ARHGAP19: variants seen among roughly 807,000 people sequenced by gnomAD.
ARHGAP19 encodes Rho GTPase activating protein 19, also known as rho GTPase-activating protein 19.
A neutral mutation model predicts 60.9 loss-of-function variants in ARHGAP19; 48 were observed. That is an observed-to-expected ratio of 0.79 (90% CI 0.62 to 1.00). The LOEUF (loss-of-function observed/expected upper bound fraction) is 1.00, where lower values mean the gene tolerates loss of function less well. Ranked by LOEUF, ARHGAP19 falls within the 50% of genes least tolerant of loss-of-function variation. The pLI, the probability that ARHGAP19 is intolerant of heterozygous loss-of-function variation, is 0.00. For missense variants in ARHGAP19, 562 were observed against 597.2 expected (o/e 0.94, Z 0.61); for synonymous variants, 209 against 215.5 (o/e 0.97, Z 0.27).
At chr10:97,236,220 G>A (rs2134821090) in intron 8 of ARHGAP19, among the ~76,000 whole-genome samples, 1 of 151,808 alleles carries the variant, frequency 6.6e-6, no homozygotes, top group East Asian at 1.9e-4. Context: ...CAAGTGATCC[G>A]CCCACCTCGG....
At chr10:97,240,148 A>G (rs1412970207) in intron 8 of ARHGAP19, among the ~76,000 whole-genome samples, 1 of 151,980 alleles carries the variant, frequency 6.6e-6, no homozygotes, top group Non-Finnish European at 1.5e-5. Context: ...GAAGAAAGGG[A>G]GAAAAAGAGG....
At chr10:97,274,606 A>G (rs1843001275) in intron 1 of ARHGAP19, among the ~76,000 whole-genome samples, 1 of 152,232 alleles carries the variant, frequency 6.6e-6, no homozygotes, top group African/African-American at 2.4e-5. Flanking sequence ...AATACTGATT[A>G]TATTATTTTA....
intron 6 of ARHGAP19, among the ~76,000 whole-genome samples, chr10:97,247,320 G>GA (rs1446544969): frequency 2.2e-4 from 33 of 151,910 alleles, no homozygotes; most frequent in Admixed American, 6.6e-5. Flanking sequence ...AAAAAAGAAA[G>GA]AAAGAAATAC....
At chr10:97,274,191 C>T (rs533392041) in intron 1 of ARHGAP19, among the ~76,000 whole-genome samples, 27 of 152,144 alleles carry the variant, frequency 1.8e-4, no homozygotes, top group Non-Finnish European at 3.1e-4. Context: ...TGAGGCCGGG[C>T]GCGGTGGCTC....
At chr10:97,230,924 G>C (rs751864259) in intron 9 of ARHGAP19, among the ~76,000 whole-genome samples, 2 of 152,002 alleles carry the variant, frequency 1.3e-5, no homozygotes, top group African/African-American at 4.8e-5. Context: ...GGGCGTGGTG[G>C]TGCATGCCTG....
chr10:97,231,614 G>A (rs143274942), intron 9 of ARHGAP19, among the ~76,000 whole-genome samples: 2 of 152,046 alleles, frequency 1.3e-5, no homozygotes, highest in Admixed American at 6.5e-5. Context: ...CAAGATTCAC[G>A]CATGTTGTAG....
chr10:97,246,410 A>C, intron 6 of ARHGAP19, 73 bp from the exon 7 acceptor site: 1 of 1,198,492 alleles, frequency 8.3e-7, no homozygotes. Context: ...CCGCAAGGAC[A>C]GTGGTTCTCA....
At chr10:97,244,637 G>A (rs78416692) in intron 7 of ARHGAP19, among the ~76,000 whole-genome samples, 98 of 152,204 alleles carry the variant, frequency 6.4e-4, no homozygotes, top group Non-Finnish European at 1.2e-3. Flanking sequence ...AACTTAATAC[G>A]ACAACTAGAC....
chr10:97,231,983 T>G (rs999537933), intron 9 of ARHGAP19, among the ~76,000 whole-genome samples: 31 of 149,960 alleles, frequency 2.1e-4, no homozygotes, highest in Middle Eastern at 6.8e-3. Context: ...TCCGTTGTTT[T>G]TTTTTTTTTT....
At chr10:97,268,166 G>T (rs1564725383) in intron 1 of ARHGAP19, among the ~76,000 whole-genome samples, 1 of 152,214 alleles carries the variant, frequency 6.6e-6, no homozygotes. Context: ...CTCTAGGGCA[G>T]GGGCAAAATG....
chr10:97,251,258 G>T (rs117365464), intron 6 of ARHGAP19, among the ~76,000 whole-genome samples: 1 of 28,168 alleles, frequency 3.6e-5, no homozygotes, highest in Non-Finnish European at 8.4e-5. Context: ...GGGGAGGGAA[G>T]GGGAAGGGAA....
At chr10:97,249,012 T>C (rs1842603638) in intron 6 of ARHGAP19, among the ~76,000 whole-genome samples, 1 of 152,060 alleles carries the variant, frequency 6.6e-6, no homozygotes, top group Admixed American at 6.6e-5. Context: ...GAGATGGGGT[T>C]TTGCCACATT....
Position 97,292,582 on chromosome 10 carries a change from A to C in ARHGAP19, c.46T>G (p.Ser16Ala). 2 of 1,614,116 alleles carry C rather than the reference A, an allele frequency of 1.2e-6. No individual in the cohort carries two copies. Among genetic ancestry groups the C allele is most frequent in the Non-Finnish European group, 1.7e-6 (2 of 1,180,024 alleles). ...QSEGEVPARE[S>A]GRSDAICSFV... The stretch of plus-strand genomic sequence containing the variant: ...CCAAACTCAGCTCACCTCCGGCCGG[A>C]TTCGCGGGCTGGCACCTCCCCTTCA... The change falls in exon 1 of 12, where the codon TCC (serine) becomes GCC (alanine). Residue 16 changes from serine to alanine, a missense_variant. Ser to Ala is a moderately conservative substitution (Grantham distance 99). Coordinates refer to ENST00000358531, the MANE Select transcript of ARHGAP19 (RefSeq NM_032900.6).
rs749372132 is a variant in ARHGAP19 at position 97,253,552 on chromosome 10, GAAA to G, written c.927+2763_927+2765del. Among the ~76,000 whole-genome samples the G allele has an allele frequency of 2.3e-4, 35 of 152,144 alleles. 1 individual carries two copies. The highest frequency in any genetic ancestry group is 3.4e-3 in the Middle Eastern group (1 of 294). ...GGTACAAACATGTAGTGAGATAGAA[GAAA>G]TATGTTCTAACACTTAATAGCAAAG... On this transcript the variant is annotated intron_variant, in intron 6 of 11. Coordinates refer to ENST00000358531, the MANE Select transcript of ARHGAP19 (RefSeq NM_032900.6).
chr10:97,258,895 G>A (rs1260706919), intron 5 of ARHGAP19: 2 of 152,568 alleles, frequency 1.3e-5, no homozygotes, highest in East Asian at 3.9e-4. Flanking sequence ...ATAAGAAGAA[G>A]CAAGTTCAGC....
At chr10:97,283,265 G>A (rs1281478266) in intron 1 of ARHGAP19, among the ~76,000 whole-genome samples, 1 of 152,162 alleles carries the variant, frequency 6.6e-6, no homozygotes, top group Non-Finnish European at 1.5e-5. Flanking sequence ...AAGATGGTTA[G>A]TAAAAGTGTA....
intron 6 of ARHGAP19, among the ~76,000 whole-genome samples, chr10:97,253,136 C>A (rs1842709452): frequency 6.6e-6 from 1 of 151,988 alleles, no homozygotes; most frequent in African/African-American, 2.4e-5. Flanking sequence ...CACCTGTAAT[C>A]CCAGCACTTT....
chr10:97,292,162 C>T (rs779777393), intron 1 of ARHGAP19, among the ~76,000 whole-genome samples: 1 of 152,228 alleles, frequency 6.6e-6, no homozygotes, highest in Non-Finnish European at 1.5e-5. Flanking sequence ...TTCTAATTGA[C>T]ACTCAAATCC....
intron 1 of ARHGAP19, among the ~76,000 whole-genome samples, chr10:97,289,877 A>C: frequency 6.6e-6 from 1 of 151,544 alleles, no homozygotes; most frequent in African/African-American, 2.4e-5. Flanking sequence ...GAAAGAAAGA[A>C]AGAAAAGAAA....
Sources: allele counts gnomAD v4.1 joint callset (sites outside exome capture counted in the v4.1 genomes callset), GRCh38; gene constraint gnomAD v4.1.1; transcripts MANE v1.5; gene names NCBI Gene and HGNC (gene_info 2026-07-23, HGNC 2026-07-21).